The following GPM6A variants were observed in gnomAD, a reference collection of about 807,000 sequenced individuals.
GPM6A encodes the protein glycoprotein M6A, also known as neuronal membrane glycoprotein M6-a.
A neutral mutation model predicts 32.1 loss-of-function variants in GPM6A; 7 were observed. The ratio of observed to expected loss-of-function variants is 0.22; its 90% CI spans 0.12 to 0.41. The LOEUF is 0.41. Among genes scored for constraint, GPM6A ranks in the 10% least tolerant of loss-of-function variants. The pLI, the probability that GPM6A is intolerant of heterozygous loss-of-function variation, is 1.00. For synonymous variants in GPM6A, 130 were observed against 123.4 expected (o/e 1.05, Z -0.35); for missense variants, 235 against 347.2 (o/e 0.68, Z 2.57).
chr4:175,939,316 C>T (rs1397951793), intron 1 of GPM6A, among the ~76,000 whole-genome samples: 1 of 152,152 alleles, frequency 6.6e-6, no homozygotes, highest in African/African-American at 2.4e-5. Flanking sequence ...AAATCTTTGT[C>T]TACAGTTTCA....
At chr4:175,878,181 T>G (rs942633463) in intron 1 of GPM6A, among the ~76,000 whole-genome samples, 1 of 152,188 alleles carries the variant, frequency 6.6e-6, no homozygotes, top group Non-Finnish European at 1.5e-5. Flanking sequence ...TGGCCTGGTA[T>G]TGAATGTCTA....
At chr4:175,757,025 C>A (rs1208523501) in intron 1 of GPM6A, among the ~76,000 whole-genome samples, 1 of 152,084 alleles carries the variant, frequency 6.6e-6, no homozygotes, top group African/African-American at 2.4e-5. Flanking sequence ...CTAGTCTCCA[C>A]GATGACTCCC....
chr4:175,729,903 TC>T (rs1292390587), intron 1 of GPM6A, among the ~76,000 whole-genome samples: 1 of 146,398 alleles, frequency 6.8e-6, no homozygotes, highest in Non-Finnish European at 1.5e-5. Context: ...ATATATGTAT[TC>T]AAATAATATA....
chr4:175,813,362 G>T (rs918111332), upstream of GPM6A, among the ~76,000 whole-genome samples: 1 of 152,206 alleles, frequency 6.6e-6, no homozygotes, highest in African/African-American at 2.4e-5. Flanking sequence ...TCAGCCTACT[G>T]AGTGACAGGG....
chr4:175,853,848 T>C (rs539542444), intron 1 of GPM6A, among the ~76,000 whole-genome samples: 3 of 152,330 alleles, frequency 2.0e-5, no homozygotes, highest in African/African-American at 7.2e-5. Context: ...GTTGTAAGCC[T>C]AAACACTCTT....
intron 1 of GPM6A, chr4:175,786,754 A>T (rs1733817381): frequency 6.6e-6 from 1 of 152,464 alleles, no homozygotes. Context: ...GGCCTCTATC[A>T]TCATCCACCT....
At chr4:175,779,181 C>T (rs1733515124) in intron 1 of GPM6A, among the ~76,000 whole-genome samples, 1 of 152,134 alleles carries the variant, frequency 6.6e-6, no homozygotes, top group African/African-American at 2.4e-5. Flanking sequence ...ATCCTGTGAG[C>T]ACTGCAGTTT....
intron 1 of GPM6A, among the ~76,000 whole-genome samples, chr4:175,735,345 T>C (rs1731613483): frequency 6.6e-6 from 1 of 152,180 alleles, no homozygotes; most frequent in Non-Finnish European, 1.5e-5. Flanking sequence ...TTCTGCCTAA[T>C]TTGGGAAGCA....
At chr4:175,813,224 G>C (rs6856621), upstream of GPM6A, 2,802 of 268,956 alleles carry the variant, frequency 0.01, 38 homozygotes, top group Admixed American at 0.038. Context: ...GGAATGAGAA[G>C]AGTGATGTAA....
At chr4:175,837,127 AAGAG>A (rs149933359) in intron 1 of GPM6A, among the ~76,000 whole-genome samples, 20 of 149,926 alleles carry the variant, frequency 1.3e-4, no homozygotes, top group Admixed American at 4.6e-4. Flanking sequence ...GAACAAGAGC[AAGAG>A]AGAGAGAGAG....
chr4:176,002,257 T>A (rs569500538), intron 1 of GPM6A: 46 of 1,576,522 alleles, frequency 2.9e-5, no homozygotes, highest in Admixed American at 8.7e-5. Flanking sequence ...ATAATGCCCA[T>A]TCCCGAGGCC....
intron 1 of GPM6A, among the ~76,000 whole-genome samples, chr4:175,964,226 A>G (rs1278012444): frequency 1.3e-5 from 2 of 152,070 alleles, no homozygotes; most frequent in Non-Finnish European, 2.9e-5. Flanking sequence ...TGGTATAAAT[A>G]CACTCAAAAA....
intron 1 of GPM6A, among the ~76,000 whole-genome samples, chr4:175,715,398 G>A (rs1447037366): frequency 1.3e-5 from 2 of 152,220 alleles, no homozygotes; most frequent in Non-Finnish European, 2.9e-5. Context: ...GCGGTCATCT[G>A]AATGCTTGAC....
chr4:175,965,629 T>TTC (rs60801708), intron 1 of GPM6A, among the ~76,000 whole-genome samples: 2,886 of 151,222 alleles, frequency 0.019, 91 homozygotes, highest in African/African-American at 0.066. Flanking sequence ...TTTTTTTTTT[T>TTC]CCAAGACAGA....
chr4:175,955,450 G>C, intron 1 of GPM6A, among the ~76,000 whole-genome samples: 1 of 152,324 alleles, frequency 6.6e-6, no homozygotes, highest in East Asian at 1.9e-4. Context: ...TGGGATTTTA[G>C]TAGGACTGGA....
chr4:175,920,840 C>CAAA (rs111395503), intron 1 of GPM6A, among the ~76,000 whole-genome samples: 65 of 127,794 alleles, frequency 5.1e-4, no homozygotes, highest in South Asian at 1.2e-3. Flanking sequence ...GAATCTGTCT[C>CAAA]AAAAAAAAAA....
intron 2 of GPM6A, among the ~76,000 whole-genome samples, chr4:175,697,852 C>A (rs1401099938): frequency 6.6e-6 from 1 of 152,084 alleles, no homozygotes; most frequent in African/African-American, 2.4e-5. Flanking sequence ...CTCCCACTGG[C>A]AGGGGCTGAT....
intron 1 of GPM6A, among the ~76,000 whole-genome samples, chr4:175,966,930 A>G (rs1740350853): frequency 6.6e-6 from 1 of 152,178 alleles, no homozygotes. Flanking sequence ...AGAAAATAGG[A>G]GTGGAGGGAA....
At chr4:175,722,596 C>A (rs1396584898) in intron 1 of GPM6A, among the ~76,000 whole-genome samples, 1 of 152,044 alleles carries the variant, frequency 6.6e-6, no homozygotes, top group African/African-American at 2.4e-5. Flanking sequence ...TTACTTTTAC[C>A]AACCTGTGAG....
Sources: allele counts gnomAD v4.1 joint callset (sites outside exome capture counted in the v4.1 genomes callset), GRCh38; gene constraint gnomAD v4.1.1; transcripts MANE v1.5; gene names NCBI Gene and HGNC (gene_info 2026-07-23, HGNC 2026-07-21).